The following BCL2 variants were observed in gnomAD, a reference collection of about 807,000 sequenced individuals.
BCL2 encodes apoptosis regulator Bcl-2.
A neutral mutation model predicts 14.2 loss-of-function variants in BCL2; 1 was observed. The ratio of observed to expected loss-of-function variants is 0.07; its 90% CI spans 0.02 to 0.33. BCL2 has a LOEUF of 0.33. Ranked by LOEUF, BCL2 falls within the 10% of genes least tolerant of loss-of-function variation. BCL2 has a pLI of 0.99. For missense variants in BCL2, 247 were observed against 305.9 expected (o/e 0.81, Z 1.44); for synonymous variants, 151 against 137.2 (o/e 1.10, Z -0.70).
intron 2 of BCL2, among the ~76,000 whole-genome samples, chr18:63,212,579 T>C (rs113977672): frequency 5.0e-4 from 75 of 148,616 alleles, no homozygotes; most frequent in African/African-American, 1.8e-3. Flanking sequence ...CTTTCTCAAA[T>C]AAAAGTTGCT....
intron 2 of BCL2, among the ~76,000 whole-genome samples, chr18:63,156,721 G>A (rs1329687680): frequency 6.6e-6 from 1 of 152,186 alleles, no homozygotes; most frequent in African/African-American, 2.4e-5. Context: ...GGTTGGGGGT[G>A]GGGGTGCAGG....
intron 2 of BCL2, among the ~76,000 whole-genome samples, chr18:63,311,780 G>A (rs949037): frequency 0.44 from 66,227 of 151,908 alleles, 14,536 homozygotes; most frequent in African/African-American, 0.48. Context: ...GTGGTTGATC[G>A]CCCCAGAAAA....
chr18:63,143,115 G>A (rs759032917), intron 2 of BCL2, among the ~76,000 whole-genome samples: 2 of 152,238 alleles, frequency 1.3e-5, no homozygotes, highest in African/African-American at 2.4e-5. Flanking sequence ...TGTTTACGGC[G>A]AAGGACCTCT....
intron 2 of BCL2, among the ~76,000 whole-genome samples, chr18:63,290,070 A>G (rs1912602193): frequency 6.6e-6 from 1 of 152,074 alleles, no homozygotes; most frequent in Non-Finnish European, 1.5e-5. Flanking sequence ...GGGCTCAAAA[A>G]CCTGAGCAGA....
At chr18:63,256,496 C>A (rs1271084302) in intron 2 of BCL2, among the ~76,000 whole-genome samples, 6 of 152,186 alleles carry the variant, frequency 3.9e-5, no homozygotes, top group Admixed American at 3.9e-4. Context: ...GGATTACAGG[C>A]GTGAGCCACC....
At chr18:63,287,254 G>A (rs1912502368) in intron 2 of BCL2, among the ~76,000 whole-genome samples, 1 of 152,152 alleles carries the variant, frequency 6.6e-6, no homozygotes, top group Middle Eastern at 3.2e-3. Flanking sequence ...AATTCTGTAT[G>A]CTCCTTATTT....
intron 2 of BCL2, among the ~76,000 whole-genome samples, chr18:63,202,217 G>A (rs1470998952): frequency 1.3e-5 from 2 of 152,192 alleles, no homozygotes; most frequent in Non-Finnish European, 2.9e-5. Flanking sequence ...CCTGAGGCAG[G>A]AGAATCACTT....
At chr18:63,162,924 A>G (rs954030858) in intron 2 of BCL2, among the ~76,000 whole-genome samples, 1 of 152,088 alleles carries the variant, frequency 6.6e-6, no homozygotes, top group African/African-American at 2.4e-5. Context: ...TCGCAATTAT[A>G]GCTCACTGCA....
At chr18:63,253,902 A>G (rs1911389161) in intron 2 of BCL2, among the ~76,000 whole-genome samples, 1 of 100,190 alleles carries the variant, frequency 1.0e-5, no homozygotes. Flanking sequence ...AAACTGCTGA[A>G]TGTTGTCTTT....
At chr18:63,258,040 T>G (rs1282129256) in intron 2 of BCL2, among the ~76,000 whole-genome samples, 4 of 152,132 alleles carry the variant, frequency 2.6e-5, no homozygotes, top group Admixed American at 1.3e-4. Flanking sequence ...GAGGAGGTCG[T>G]TAGGGTGGGC....
In BCL2 at chr18:63,172,547, C is replaced by G. The variant is rs547813498; in HGVS notation, c.586-43788G>C. ...CTGTAATCCCAGCACTTTGGGAGGC[C>G]GAGGCGGGTGGATCACAAGGTCAGG... On this transcript the variant is annotated intron_variant, in intron 2 of 2. Transcript: ENST00000333681. Among the ~76,000 whole-genome samples the G allele has an allele frequency of 2.0e-5, 3 of 152,202 alleles. No homozygotes were observed. In the East Asian group the frequency reaches 5.8e-4, roughly 29 times the overall value.
At chr18:63,261,075 C>A (rs186555505) in intron 2 of BCL2, among the ~76,000 whole-genome samples, 43 of 152,292 alleles carry the variant, frequency 2.8e-4, no homozygotes, top group Middle Eastern at 6.8e-3. Flanking sequence ...GCAGGTACTG[C>A]CAGGCTGCCT....
At chr18:63,186,289 AT>A (rs77902719) in intron 2 of BCL2, among the ~76,000 whole-genome samples, 7,189 of 152,272 alleles carry the variant, frequency 0.047, 322 homozygotes, top group East Asian at 0.11. Flanking sequence ...TATTGTCTTT[AT>A]TATACACATG....
chr18:63,243,925 T>C (rs1418482655), intron 2 of BCL2, among the ~76,000 whole-genome samples: 1 of 152,152 alleles, frequency 6.6e-6, no homozygotes, highest in Non-Finnish European at 1.5e-5. Context: ...ATACAAAATA[T>C]TGGAAGAGTC....
At chr18:63,179,130 G>C (rs1250412954) in intron 2 of BCL2, among the ~76,000 whole-genome samples, 1 of 152,150 alleles carries the variant, frequency 6.6e-6, no homozygotes, top group Non-Finnish European at 1.5e-5. Context: ...AGTGCCCAAT[G>C]GCTGTTTTAA....
At chr18:63,199,150 G>GAC (rs1388266710) in intron 2 of BCL2, among the ~76,000 whole-genome samples, 57 of 141,056 alleles carry the variant, frequency 4.0e-4, no homozygotes, top group African/African-American at 1.4e-3. Context: ...CAGAGACGCA[G>GAC]ACACACACAC....
At chr18:63,131,679 A>G (rs1366661158) in intron 2 of BCL2, among the ~76,000 whole-genome samples, 3 of 152,228 alleles carry the variant, frequency 2.0e-5, no homozygotes, top group Non-Finnish European at 4.4e-5. Context: ...GGCACTGGCA[A>G]TAGGTTGTCT....
At chr18:63,316,456 A>G (rs183275794) in intron 2 of BCL2, 82 of 152,326 alleles carry the variant, frequency 5.4e-4, no homozygotes, top group African/African-American at 1.9e-3. Context: ...TAAAAATCAA[A>G]CCACCTACTT....
At chr18:63,211,428 G>A (rs1432334397) in intron 2 of BCL2, among the ~76,000 whole-genome samples, 1 of 151,958 alleles carries the variant, frequency 6.6e-6, no homozygotes, top group Admixed American at 6.5e-5. Context: ...GTTTTCTCTC[G>A]ACTCAAATCT....
Sources: allele counts gnomAD v4.1 joint callset (sites outside exome capture counted in the v4.1 genomes callset), GRCh38; gene constraint gnomAD v4.1.1; transcripts MANE v1.5; gene names NCBI Gene and HGNC (gene_info 2026-07-23, HGNC 2026-07-21).